PEPD: variants seen among roughly 807,000 people sequenced by gnomAD.
PEPD encodes the protein peptidase D.
PEPD carries 53 observed loss-of-function variants against 60.7 expected under a neutral mutation model. That is an observed-to-expected ratio of 0.87 (90% CI 0.70 to 1.10). PEPD has a LOEUF of 1.10. Among genes scored for constraint, PEPD ranks in the 50% least tolerant of loss-of-function variants. PEPD has a pLI of 0.00. For missense variants in PEPD, 711 were observed against 711.9 expected (o/e 1.00, Z 0.01); for synonymous variants, 267 against 284.1 (o/e 0.94, Z 0.60).
At chr19:33,393,341 A>G (rs966467975) in intron 12 of PEPD, among the ~76,000 whole-genome samples, 1 of 150,766 alleles carries the variant, frequency 6.6e-6, no homozygotes, top group Non-Finnish European at 1.5e-5. Context: ...ACCTGGGGCA[A>G]CTCTGGCTGC....
chr19:33,410,154 C>T lies in PEPD; in HGVS notation c.818+1518G>A, dbSNP rs985359647. On this transcript the variant is annotated intron_variant, in intron 11 of 14. Transcript: ENST00000244137. ...CTAAGGCCCAGCGCGCAGTGGGTGG[C>T]GGTTCCACTGGCCTGCCTCCGCTTG... 3.9e-5 allele frequency among the ~76,000 whole-genome samples: 6 copies of T among 152,228 alleles called. No homozygotes were observed. In the East Asian group the frequency reaches 7.7e-4, roughly 20 times the overall value.
At chr19:33,502,343 G>A (rs1202589750) in intron 3 of PEPD, among the ~76,000 whole-genome samples, 1 of 152,198 alleles carries the variant, frequency 6.6e-6, no homozygotes, top group Non-Finnish European at 1.5e-5. Flanking sequence ...AAAAACAGCA[G>A]ATGGTTTCTG....
At chr19:33,511,303 A>C in intron 2 of PEPD, 148 bp from the exon 3 acceptor site, 2 of 765,694 alleles carry the variant, frequency 2.6e-6, no homozygotes, top group South Asian at 3.0e-5. Context: ...TCCCCTCAGC[A>C]CTCGACTCCC....
intron 3 of PEPD, among the ~76,000 whole-genome samples, chr19:33,505,420 C>T (rs891216989): frequency 6.6e-5 from 10 of 152,100 alleles, no homozygotes; most frequent in South Asian, 6.2e-4. Flanking sequence ...GAGGGAACAG[C>T]GCTGCCCGGG....
chr19:33,419,826 A>ATGG (rs1968973747), intron 9 of PEPD, among the ~76,000 whole-genome samples: 1 of 151,910 alleles, frequency 6.6e-6, no homozygotes, highest in Admixed American at 6.5e-5. Context: ...AAGGAGCCCC[A>ATGG]GGCCAGCCGG....
intron 7 of PEPD, 27 bp from the exon 8 acceptor site, chr19:33,464,089 A>C: frequency 6.4e-7 from 1 of 1,571,690 alleles, no homozygotes. Context: ...ACAAAGCAGC[A>C]AATCAGTGAC....
intron 13 of PEPD, among the ~76,000 whole-genome samples, chr19:33,390,442 C>T (rs1341297653): frequency 6.6e-6 from 1 of 152,262 alleles, no homozygotes; most frequent in African/African-American, 2.4e-5. Flanking sequence ...ATTCCCCCCA[C>T]TGCCCCCACC....
At chr19:33,389,270 G>A (rs1695112823) in intron 13 of PEPD, 1 of 152,662 alleles carries the variant, frequency 6.6e-6, no homozygotes, top group African/African-American at 2.4e-5. Context: ...TGGCTGGTGT[G>A]GCCCCGGCCC....
chr19:33,519,043 G>A (rs1971080905), intron 1 of PEPD, among the ~76,000 whole-genome samples: 1 of 152,130 alleles, frequency 6.6e-6, no homozygotes, highest in Non-Finnish European at 1.5e-5. Context: ...GATGCAGACA[G>A]GTCTGGCTGG....
At chr19:33,419,922 C>A (rs1465740847) in intron 9 of PEPD, among the ~76,000 whole-genome samples, 1 of 152,244 alleles carries the variant, frequency 6.6e-6, no homozygotes, top group African/African-American at 2.4e-5. Flanking sequence ...CAGGCAAGGG[C>A]AGCGGCCAAG....
chr19:33,443,888 C>T (rs1430147521), intron 9 of PEPD, among the ~76,000 whole-genome samples: 1 of 151,782 alleles, frequency 6.6e-6, no homozygotes, highest in Non-Finnish European at 1.5e-5. Context: ...TGCACACACA[C>T]ACACAGTATC....
chr19:33,404,018 A>G (rs1341019827), intron 11 of PEPD, among the ~76,000 whole-genome samples: 1 of 152,220 alleles, frequency 6.6e-6, no homozygotes, highest in East Asian at 1.9e-4. Context: ...CTGAAGGGAA[A>G]CTGAGGCTCA....
chr19:33,435,913 TG>T (rs961948246), intron 9 of PEPD, among the ~76,000 whole-genome samples: 12 of 151,700 alleles, frequency 7.9e-5, no homozygotes, highest in Admixed American at 1.3e-4. Flanking sequence ...TGGTGGAAGG[TG>T]GGGGCATGGG....
intron 7 of PEPD, among the ~76,000 whole-genome samples, chr19:33,468,134 C>G (rs938404212): frequency 2.6e-5 from 4 of 152,162 alleles, no homozygotes; most frequent in African/African-American, 9.7e-5. Flanking sequence ...TACTGAGAGA[C>G]CTGGAGAATG....
chr19:33,391,770 CT>C lies in PEPD; in HGVS notation c.968-292del, dbSNP rs531409676. On this transcript the variant is annotated intron_variant, in intron 12 of 14. Transcript: ENST00000244137. ...TAGCCAAGGGCCCAGCCTGGGTCTA[CT>C]CTGTAGCCCATGGTGTGTCCACCCT... Among the ~76,000 whole-genome samples the C allele has an allele frequency of 2.0e-5, 3 of 152,336 alleles. No homozygotes were observed. The East Asian group carries it at 5.8e-4, about 29-fold the overall frequency.
chr19:33,521,682 G>C, intron 1 of PEPD, 62 bp downstream of exon 1: 2 of 1,527,260 alleles, frequency 1.3e-6, no homozygotes, highest in Non-Finnish European at 1.8e-6. Context: ...CCGCGGTCCG[G>C]CCGGGACACC....
chr19:33,442,422 T>A (rs1423341507), intron 9 of PEPD, among the ~76,000 whole-genome samples: 2 of 146,874 alleles, frequency 1.4e-5, no homozygotes, highest in East Asian at 2.0e-4. Flanking sequence ...AAAAAAAGCC[T>A]GGGCGCGGTG....
intron 3 of PEPD, among the ~76,000 whole-genome samples, chr19:33,505,297 G>A (rs1456160760): frequency 2.0e-5 from 3 of 152,020 alleles, no homozygotes. Context: ...GTGGAAGCCG[G>A]CAGCCATCTG....
intron 7 of PEPD, among the ~76,000 whole-genome samples, chr19:33,470,737 C>A (rs1288164857): frequency 1.3e-5 from 2 of 152,188 alleles, no homozygotes; most frequent in Non-Finnish European, 2.9e-5. Flanking sequence ...ACAAGGAGAG[C>A]TGATGGCCTC....
Sources: gnomAD v4.1 joint callset for allele counts (sites outside exome capture counted in the v4.1 genomes callset) on GRCh38, gnomAD v4.1.1 for gene constraint, MANE v1.5 for transcripts, NCBI Gene and HGNC (gene_info 2026-07-23, HGNC 2026-07-21) for gene names.